The following ZNF385D variants were observed in gnomAD, a reference collection of about 807,000 sequenced individuals.
ZNF385D encodes zinc finger protein 659.
ZNF385D carries 15 observed loss-of-function variants against 35.8 expected under a neutral mutation model. The ratio of observed to expected loss-of-function variants is 0.42; its 90% CI spans 0.28 to 0.64. The LOEUF (loss-of-function observed/expected upper bound fraction) is 0.64. Among genes scored for constraint, ZNF385D ranks in the 30% least tolerant of loss-of-function variants. The pLI is 0.23. For missense variants in ZNF385D, 474 were observed against 494.6 expected (o/e 0.96, Z 0.39); for synonymous variants, 212 against 186.8 (o/e 1.13, Z -1.10).
At chr3:22,372,745 C>G (rs1204825794) in exon 2 of ZNF385D, 1 of 152,418 alleles carries the variant, frequency 6.6e-6, no homozygotes, top group African/African-American at 2.4e-5. Flanking sequence ...CCGCCGCGCT[C>G]GCGGCGCTCC....
intron 1 of ZNF385D, among the ~76,000 whole-genome samples, chr3:21,679,681 A>G (rs2066839353): frequency 6.6e-6 from 1 of 152,092 alleles, no homozygotes; most frequent in Admixed American, 6.6e-5. Context: ...AGAGAGAGAA[A>G]GAACAAAAAG....
intron 3 of ZNF385D, among the ~76,000 whole-genome samples, chr3:22,027,548 C>G (rs1354109301): frequency 6.6e-6 from 1 of 152,172 alleles, no homozygotes; most frequent in African/African-American, 2.4e-5. Flanking sequence ...TGAGAGACAG[C>G]TCTTGGCCTG....
intron 2 of ZNF385D, among the ~76,000 whole-genome samples, chr3:22,367,068 T>C (rs763785505): frequency 6.6e-6 from 1 of 152,204 alleles, no homozygotes; most frequent in Non-Finnish European, 1.5e-5. Context: ...TCTTATTGTT[T>C]TAAGCCTCCA....
intron 2 of ZNF385D, among the ~76,000 whole-genome samples, chr3:22,326,975 A>G (rs558544805): frequency 1.3e-5 from 2 of 152,336 alleles, no homozygotes; most frequent in South Asian, 4.1e-4. Flanking sequence ...GCAAGTTCCA[A>G]GGTCTATTGC....
At chr3:21,697,126 T>TA (rs2067498799) in intron 1 of ZNF385D, among the ~76,000 whole-genome samples, 1 of 152,148 alleles carries the variant, frequency 6.6e-6, no homozygotes, top group African/African-American at 2.4e-5. Context: ...GAGAGGTACT[T>TA]AGCCTCCTTG....
At chr3:21,938,934 T>C (rs1701386098) in intron 3 of ZNF385D, among the ~76,000 whole-genome samples, 1 of 152,210 alleles carries the variant, frequency 6.6e-6, no homozygotes, top group African/African-American at 2.4e-5. Flanking sequence ...GCTCATGAGG[T>C]AGTCACTGAA....
intron 3 of ZNF385D, among the ~76,000 whole-genome samples, chr3:21,551,369 A>G (rs1043211268): frequency 6.6e-6 from 1 of 152,178 alleles, no homozygotes; most frequent in Non-Finnish European, 1.5e-5. Flanking sequence ...TACTCTCTAC[A>G]TCTCAGCTTT....
chr3:22,121,671 A>ATTT (rs59348757), intron 3 of ZNF385D, among the ~76,000 whole-genome samples: 14 of 144,934 alleles, frequency 9.7e-5, no homozygotes, highest in East Asian at 4.2e-4. Context: ...GAATGATGTG[A>ATTT]TTTTTTTTTT....
chr3:22,268,466 A>G (rs1384755430), intron 2 of ZNF385D, among the ~76,000 whole-genome samples: 1 of 152,006 alleles, frequency 6.6e-6, no homozygotes, highest in Non-Finnish European at 1.5e-5. Context: ...TTATCTGTGA[A>G]GAGCCAAATA....
chr3:21,491,835 A>C (rs1204111317), intron 4 of ZNF385D, among the ~76,000 whole-genome samples: 1 of 152,112 alleles, frequency 6.6e-6, no homozygotes, highest in Non-Finnish European at 1.5e-5. Context: ...CTCTTTTTCT[A>C]CTTTTGACAG....
intron 3 of ZNF385D, among the ~76,000 whole-genome samples, chr3:21,802,657 C>T (rs528529205): frequency 1.2e-4 from 19 of 152,240 alleles, no homozygotes; most frequent in African/African-American, 4.1e-4. Context: ...TTACCCTGGA[C>T]GTAGAAATAC....
At chr3:22,017,480 T>C (rs1576160570) in intron 3 of ZNF385D, among the ~76,000 whole-genome samples, 1 of 152,166 alleles carries the variant, frequency 6.6e-6, no homozygotes, top group South Asian at 2.1e-4. Context: ...TCTTATTCTG[T>C]CAATAATCTC....
intron 3 of ZNF385D, among the ~76,000 whole-genome samples, chr3:21,807,743 G>A (rs904203705): frequency 5.3e-5 from 8 of 152,034 alleles, no homozygotes; most frequent in Admixed American, 2.0e-4. Context: ...ATAATTTCTT[G>A]AGCTTTTCAG....
At chr3:22,191,269 T>A (rs908717928) in intron 2 of ZNF385D, among the ~76,000 whole-genome samples, 3 of 152,078 alleles carry the variant, frequency 2.0e-5, no homozygotes, top group Non-Finnish European at 4.4e-5. Context: ...GGCAGGCGGA[T>A]CACCTGACGT....
chr3:22,134,693 T>G (rs1178924336), intron 3 of ZNF385D, among the ~76,000 whole-genome samples: 1 of 152,166 alleles, frequency 6.6e-6, no homozygotes, highest in South Asian at 2.1e-4. Context: ...GAACAGAAGA[T>G]TATTTGGCTC....
At chr3:21,875,667 A>C (rs1697925911) in intron 3 of ZNF385D, among the ~76,000 whole-genome samples, 1 of 151,936 alleles carries the variant, frequency 6.6e-6, no homozygotes, top group South Asian at 2.1e-4. Flanking sequence ...TATGCAATAC[A>C]CTCACTTCTC....
intron 3 of ZNF385D, among the ~76,000 whole-genome samples, chr3:21,934,820 T>C (rs1291541768): frequency 3.9e-5 from 6 of 152,198 alleles, no homozygotes; most frequent in Non-Finnish European, 2.9e-5. Context: ...AGCAAATGAG[T>C]AAACAAATCT....
chr3:21,647,182 G>A (rs1223544541), intron 2 of ZNF385D, among the ~76,000 whole-genome samples: 1 of 152,098 alleles, frequency 6.6e-6, no homozygotes, highest in Non-Finnish European at 1.5e-5. Context: ...TAAAGGAATT[G>A]CCTAAATAAT....
chr3:21,544,251 G>T (rs1575141562), intron 3 of ZNF385D, among the ~76,000 whole-genome samples: 1 of 152,174 alleles, frequency 6.6e-6, no homozygotes, highest in Non-Finnish European at 1.5e-5. Context: ...TTCGCAATTG[G>T]TAAGGCCTGG....
Sources: allele counts gnomAD v4.1 joint callset (sites outside exome capture counted in the v4.1 genomes callset), GRCh38; gene constraint gnomAD v4.1.1; transcripts MANE v1.5; gene names NCBI Gene and HGNC (gene_info 2026-07-23, HGNC 2026-07-21).